The following NNT variants were observed in gnomAD, a reference collection of about 807,000 sequenced individuals.
NNT encodes the protein NAD(P) transhydrogenase, mitochondrial.
In NNT, 50 loss-of-function variants were observed where a neutral mutation model predicts 104.8. The observed-to-expected ratio is 0.48, with a 90% CI of 0.38 to 0.60. NNT has a LOEUF of 0.60. Ranked by LOEUF, NNT falls within the 20% of genes least tolerant of loss-of-function variation. The pLI, the probability that NNT is intolerant of heterozygous loss-of-function variation, is 0.00. For synonymous variants in NNT, 461 were observed against 490.4 expected (o/e 0.94, Z 0.79); for missense variants, 1,131 against 1,330.7 (o/e 0.85, Z 2.33).
intron 7 of NNT, among the ~76,000 whole-genome samples, chr5:43,630,631 C>CTTT (rs1404006590): frequency 2.6e-5 from 4 of 152,184 alleles, no homozygotes; most frequent in Non-Finnish European, 5.9e-5. Flanking sequence ...ATTTTGTACT[C>CTTT]AGTGCATGAC....
At chr5:43,615,820 A>G in intron 3 of NNT, 28 bp from the exon 4 acceptor site, 2 of 1,520,396 alleles carry the variant, frequency 1.3e-6, no homozygotes, top group Non-Finnish European at 1.8e-6. Context: ...ATTTATATTT[A>G]TAATCTGTGA....
At chr5:43,645,866 C>T (rs1739400606) in intron 10 of NNT, among the ~76,000 whole-genome samples, 1 of 151,234 alleles carries the variant, frequency 6.6e-6, no homozygotes, top group Non-Finnish European at 1.5e-5. Flanking sequence ...AGGCACCCAC[C>T]ACCACCCCTG....
At chr5:43,690,983 G>T (rs1742243139) in intron 19 of NNT, among the ~76,000 whole-genome samples, 1 of 151,968 alleles carries the variant, frequency 6.6e-6, no homozygotes, top group Admixed American at 6.6e-5. Context: ...GTGCAAATAA[G>T]AAATATTTGG....
chr5:43,668,188 A>G (rs868764767), intron 17 of NNT, among the ~76,000 whole-genome samples: 1 of 149,372 alleles, frequency 6.7e-6, no homozygotes, highest in African/African-American at 2.4e-5. Context: ...TTGTCAGATG[A>G]GTAGATTGCA....
At chr5:43,666,461 G>T (rs899927462) in intron 17 of NNT, among the ~76,000 whole-genome samples, 1 of 152,128 alleles carries the variant, frequency 6.6e-6, no homozygotes, top group Admixed American at 6.5e-5. Context: ...GCGTGGCAGC[G>T]CGCGCCTGCA....
chr5:43,618,796 G>A (rs1361861619), intron 4 of NNT, among the ~76,000 whole-genome samples: 1 of 152,152 alleles, frequency 6.6e-6, no homozygotes, highest in Middle Eastern at 3.2e-3. Context: ...CTGTATCTCA[G>A]TTTTCTCACC....
At chr5:43,686,051 C>T (rs1277087424) in intron 19 of NNT, among the ~76,000 whole-genome samples, 1 of 151,852 alleles carries the variant, frequency 6.6e-6, no homozygotes, top group Non-Finnish European at 1.5e-5. Flanking sequence ...TTTATTCTTC[C>T]TTGGTTAATT....
Position 43,609,361 on chromosome 5 carries a change from C to T in NNT, c.151+15C>T, listed in dbSNP as rs1425453155. ...TGTAAAACCAGGTAAAGTCTCACTTCAGTGATTGTAAATGAAACCTTCAAG... is the reference window on the plus strand; with the variant it reads ...TGTAAAACCAGGTAAAGTCTCACTTTAGTGATTGTAAATGAAACCTTCAAG... On this transcript the variant is annotated intron_variant, in intron 2 of 21. Transcript: ENST00000344920. 4.3e-6 allele frequency: 7 copies of T among 1,611,536 alleles called. No homozygotes were observed. The highest frequency in any genetic ancestry group is 2.2e-5 in the East Asian group (1 of 44,850).
At chr5:43,679,446 C>T (rs1485559228) in intron 19 of NNT, among the ~76,000 whole-genome samples, 1 of 152,118 alleles carries the variant, frequency 6.6e-6, no homozygotes, top group Non-Finnish European at 1.5e-5. Flanking sequence ...CCTAGGTTAA[C>T]CAGACATCTT....
intron 19 of NNT, among the ~76,000 whole-genome samples, chr5:43,692,406 C>T (rs370529355): frequency 2.0e-5 from 3 of 152,188 alleles, no homozygotes; most frequent in Non-Finnish European, 4.4e-5. Context: ...TCACTGCCAC[C>T]TCCGCCTCCC....
In NNT at chr5:43,648,903, C is replaced by G. The variant is rs187868344; in HGVS notation, c.1445-244C>G. 7.5e-4 allele frequency among the ~76,000 whole-genome samples: 114 copies of G among 152,248 alleles called. 1 individual carries two copies. The highest frequency in any genetic ancestry group is 9.8e-4 in the Admixed American group (15 of 15,290). ...AATGTGCAAATTGTTATTAGTGTGA[C>G]TCATAAATATTACTAGATCTTTATA... On this transcript the variant is annotated intron_variant, in intron 10 of 21. Transcript: ENST00000344920.
At chr5:43,640,053 T>G (rs1005423011) in intron 7 of NNT, among the ~76,000 whole-genome samples, 1 of 152,086 alleles carries the variant, frequency 6.6e-6, no homozygotes, top group Admixed American at 6.6e-5. Flanking sequence ...TCATCTGCCT[T>G]CTTTTATTAA....
intron 1 of NNT, among the ~76,000 whole-genome samples, chr5:43,607,289 A>G (rs1749274390): frequency 6.6e-6 from 1 of 152,202 alleles, no homozygotes; most frequent in South Asian, 2.1e-4. Flanking sequence ...GCCTTAACTG[A>G]TGACATTCCA....
intron 9 of NNT, among the ~76,000 whole-genome samples, 191 bp downstream of exon 9, chr5:43,644,993 A>G (rs555132945): frequency 6.6e-6 from 1 of 152,378 alleles, no homozygotes; most frequent in African/African-American, 2.4e-5. Flanking sequence ...ACTTAAAAGT[A>G]CATGACTTAA....
chr5:43,641,197 G>A (rs780223618), intron 7 of NNT, among the ~76,000 whole-genome samples: 93 of 152,090 alleles, frequency 6.1e-4, no homozygotes, highest in Admixed American at 1.5e-3. Flanking sequence ...TTCTGAAATT[G>A]TCTTCTCAGT....
chr5:43,602,979 C>T (rs1362549011), upstream of NNT: 34 of 152,374 alleles, frequency 2.2e-4, no homozygotes, highest in Admixed American at 2.2e-3. Context: ...TTTCGCCTGT[C>T]CCCGAGAGTG....
chr5:43,696,048 C>A (rs1222550508), intron 19 of NNT, among the ~76,000 whole-genome samples: 1 of 152,146 alleles, frequency 6.6e-6, no homozygotes, highest in Non-Finnish European at 1.5e-5. Context: ...ATTTCAAAAC[C>A]AATCATGCCT....
At chr5:43,673,100 C>A (rs1439841786) in intron 17 of NNT, among the ~76,000 whole-genome samples, 1 of 152,256 alleles carries the variant, frequency 6.6e-6, no homozygotes, top group East Asian at 1.9e-4. Flanking sequence ...GGGCTATAAT[C>A]TGGTGTGCCA....
intron 1 of NNT, among the ~76,000 whole-genome samples, chr5:43,608,507 T>C (rs1048751584): frequency 3.3e-5 from 5 of 152,224 alleles, no homozygotes; most frequent in African/African-American, 7.2e-5. Context: ...ATGGAATTTT[T>C]CTTTCTTTCT....
Sources: gnomAD v4.1 joint callset for allele counts (sites outside exome capture counted in the v4.1 genomes callset) on GRCh38, gnomAD v4.1.1 for gene constraint, MANE v1.5 for transcripts, NCBI Gene and HGNC (gene_info 2026-07-23, HGNC 2026-07-21) for gene names.